MAGI3: variants seen among roughly 807,000 people sequenced by gnomAD.
The protein encoded by MAGI3 is membrane-associated guanylate kinase, WW and PDZ domain-containing protein 3.
In MAGI3, 43 loss-of-function variants were observed where a neutral mutation model predicts 121.8. The observed-to-expected ratio is 0.35, with a 90% CI of 0.28 to 0.46. MAGI3 has a LOEUF of 0.46. MAGI3 is among the 20% of genes least tolerant of loss of function. The probability of loss-of-function intolerance (pLI) is 1.00; values close to 1 mark genes in which losing one functional copy is unlikely to be tolerated. For missense variants in MAGI3, 1,547 were observed against 1,797.3 expected (o/e 0.86, Z 2.52); for synonymous variants, 553 against 639.3 (o/e 0.86, Z 2.04).
At chr1:113,608,851 C>G (rs111480690) in intron 6 of MAGI3, among the ~76,000 whole-genome samples, 109 of 152,324 alleles carry the variant, frequency 7.2e-4, no homozygotes, top group African/African-American at 2.5e-3. Context: ...TGGCCCAGGA[C>G]TGATCCAGCT....
chr1:113,538,623 C>T (rs1659115163), intron 1 of MAGI3, among the ~76,000 whole-genome samples: 1 of 152,088 alleles, frequency 6.6e-6, no homozygotes, highest in Non-Finnish European at 1.5e-5. Context: ...TTTACTTTTT[C>T]ACTTTTTCTA....
At chr1:113,672,295 G>A (rs1354052761) in intron 17 of MAGI3, among the ~76,000 whole-genome samples, 1 of 152,178 alleles carries the variant, frequency 6.6e-6, no homozygotes, top group East Asian at 1.9e-4. Context: ...TGCTGCAGGA[G>A]AGCCATTTTT....
chr1:113,637,321 G>A (rs969155743), intron 9 of MAGI3, among the ~76,000 whole-genome samples: 5 of 152,138 alleles, frequency 3.3e-5, no homozygotes, highest in Admixed American at 1.3e-4. Flanking sequence ...TTTCTTCCTA[G>A]CCTCGATGGT....
intron 1 of MAGI3, among the ~76,000 whole-genome samples, chr1:113,474,621 A>G (rs573008014): frequency 3.9e-5 from 6 of 152,086 alleles, no homozygotes; most frequent in Non-Finnish European, 8.8e-5. Context: ...CCATTGGTCT[A>G]TATATCTGTT....
chr1:113,599,686 A>C (rs1295981455), intron 6 of MAGI3, among the ~76,000 whole-genome samples: 9 of 151,442 alleles, frequency 5.9e-5, no homozygotes, highest in Non-Finnish European at 8.8e-5. Flanking sequence ...ATTCCAATCA[A>C]TAGAAAAAGA....
At chr1:113,561,794 T>C (rs144167423) in intron 2 of MAGI3, among the ~76,000 whole-genome samples, 3 of 152,224 alleles carry the variant, frequency 2.0e-5, no homozygotes, top group East Asian at 3.9e-4. Flanking sequence ...AAAGAAAGCA[T>C]ATTCATATAG....
At chr1:113,655,424 A>C (rs979579628) in intron 15 of MAGI3, among the ~76,000 whole-genome samples, 4 of 152,070 alleles carry the variant, frequency 2.6e-5, no homozygotes, top group Non-Finnish European at 4.4e-5. Context: ...GGAATTCAGT[A>C]AAATAAGTTT....
chr1:113,413,540 C>G (rs1438153582), intron 1 of MAGI3, among the ~76,000 whole-genome samples: 2 of 151,984 alleles, frequency 1.3e-5, no homozygotes, highest in East Asian at 3.9e-4. Flanking sequence ...TGTTTGTGTC[C>G]TCTTTAATTT....
rs907431021 is a variant in MAGI3, at chr1:113,674,375, A to G, written c.3189+910A>G. Reference sequence around the variant, plus strand: ...CCATTGCACTCTAGTCTGGGCAACAAGAGCAAAACTCCATTTAAAAAAAAA... The same window carrying G: ...CCATTGCACTCTAGTCTGGGCAACAGGAGCAAAACTCCATTTAAAAAAAAA... On this transcript the variant is annotated intron_variant, in intron 19 of 20. Coordinates refer to ENST00000307546, the MANE Select transcript of MAGI3 (RefSeq NM_001142782.2). Among the ~76,000 whole-genome samples the G allele has an allele frequency of 6.7e-5, 10 of 148,664 alleles. No individual in the cohort carries two copies. The Admixed American group carries it at 6.9e-4, about 10-fold the overall frequency.
chr1:113,671,742 G>C lies in MAGI3; in HGVS notation c.2824G>C (p.Gly942Arg). The change falls in exon 17 of 21, where the codon GGT becomes CGT. Residue 942 changes from glycine (G) to arginine (R), a missense_variant. Physicochemically the swap from Gly to Arg is moderately radical, Grantham distance 125 (BLOSUM62 -2). Coordinates refer to ENST00000307546, the MANE Select transcript of MAGI3 (RefSeq NM_001142782.2). ...TTTTCTCATTTGAACAGAGCATCATGGTCCACCATCAGGAACAAACTCAGC... is the reference window on the plus strand; with the variant it reads ...TTTTCTCATTTGAACAGAGCATCATCGTCCACCATCAGGAACAAACTCAGC... ...LTVIAEEEHH[G>R]PPSGTNSARQ... 2 of 1,614,088 alleles carry C rather than the reference G, an allele frequency of 1.2e-6. No individual in the cohort carries two copies. Among genetic ancestry groups the C allele is most frequent in the South Asian group, 1.1e-5 (1 of 91,066 alleles).
chr1:113,527,891 A>C (rs781716409), intron 1 of MAGI3, among the ~76,000 whole-genome samples: 1 of 152,218 alleles, frequency 6.6e-6, no homozygotes, highest in African/African-American at 2.4e-5. Flanking sequence ...ATTTTCAAGC[A>C]TACAGAAAAT....
chr1:113,609,024 C>G (rs1649964176), intron 6 of MAGI3, among the ~76,000 whole-genome samples: 1 of 152,200 alleles, frequency 6.6e-6, no homozygotes, highest in Non-Finnish European at 1.5e-5. Flanking sequence ...ATGGGCTACT[C>G]TCCCACTTAC....
chr1:113,430,849 A>G lies in MAGI3; in HGVS notation c.316+39500A>G, dbSNP rs539598767. 2.0e-5 allele frequency among the ~76,000 whole-genome samples: 3 copies of G among 152,360 alleles called. No individual in the cohort carries two copies. In the East Asian group the frequency reaches 5.8e-4, roughly 29 times the overall value. On this transcript the variant is annotated intron_variant, in intron 1 of 20. Transcript: ENST00000307546. ...GCTAGGACATGTTCAAAAGCTTCATATGACTTATGGCATTAGGTTGAACAG... is the reference window on the plus strand; with the variant it reads ...GCTAGGACATGTTCAAAAGCTTCATGTGACTTATGGCATTAGGTTGAACAG...
chr1:113,599,313 C>T (rs953921046), intron 6 of MAGI3, among the ~76,000 whole-genome samples: 2 of 151,512 alleles, frequency 1.3e-5, no homozygotes, highest in Non-Finnish European at 2.9e-5. Context: ...CAAAATTGAT[C>T]GACCACTAGC....
chr1:113,488,007 G>A (rs974045764), intron 1 of MAGI3, among the ~76,000 whole-genome samples: 1 of 152,098 alleles, frequency 6.6e-6, no homozygotes, highest in Non-Finnish European at 1.5e-5. Flanking sequence ...GAACAAACTT[G>A]TTCCAAGATC....
At chr1:113,566,384 G>A (rs1330486178) in intron 2 of MAGI3, among the ~76,000 whole-genome samples, 1 of 152,080 alleles carries the variant, frequency 6.6e-6, no homozygotes, top group Non-Finnish European at 1.5e-5. Flanking sequence ...TCATACAGTA[G>A]AATACCAACT....
intron 19 of MAGI3, among the ~76,000 whole-genome samples, chr1:113,677,349 G>A (rs569040784): frequency 6.6e-6 from 1 of 152,310 alleles, no homozygotes; most frequent in East Asian, 1.9e-4. Flanking sequence ...TGAGATAGGT[G>A]ACATTATCCC....
chr1:113,554,570 G>A (rs1233160373), intron 2 of MAGI3, among the ~76,000 whole-genome samples: 1 of 151,778 alleles, frequency 6.6e-6, no homozygotes, highest in African/African-American at 2.4e-5. Flanking sequence ...ACTGGAAATT[G>A]GACGAGGAAT....
At chr1:113,531,528 G>GT (rs1469540463) in intron 1 of MAGI3, among the ~76,000 whole-genome samples, 2 of 152,052 alleles carry the variant, frequency 1.3e-5, no homozygotes, top group African/African-American at 2.4e-5. Context: ...GTTGTTGAAT[G>GT]TTTCATCAGT....
Sources: gnomAD v4.1 joint callset for allele counts (sites outside exome capture counted in the v4.1 genomes callset) on GRCh38, gnomAD v4.1.1 for gene constraint, MANE v1.5 for transcripts, NCBI Gene and HGNC (gene_info 2026-07-23, HGNC 2026-07-21) for gene names.